MMP16: variants seen among roughly 807,000 people sequenced by gnomAD.
The protein encoded by MMP16 is matrix metalloproteinase-16.
Under a neutral mutation model 67.8 loss-of-function variants are expected in MMP16, and 12 were observed. The observed-to-expected ratio is 0.18, with a 90% CI of 0.11 to 0.29. MMP16 has a LOEUF of 0.29. MMP16 is among the 10% of genes least tolerant of loss of function. MMP16 has a pLI of 1.00. For missense variants in MMP16, 475 were observed against 765.7 expected, an observed-to-expected ratio of 0.62 and a Z score of 4.48; for synonymous variants, 249 against 255.9, an observed-to-expected ratio of 0.97 and a Z score of 0.26.
intron 1 of MMP16, among the ~76,000 whole-genome samples, chr8:88,233,384 C>G (rs16880086): frequency 0.5 from 75,882 of 151,892 alleles, 20,927 homozygotes; most frequent in Non-Finnish European, 0.63. Flanking sequence ...AACCAGATAC[C>G]TTGCCCTTCT....
chr8:88,129,416 A>G (rs1471756842), intron 4 of MMP16, among the ~76,000 whole-genome samples: 2 of 151,682 alleles, frequency 1.3e-5, no homozygotes, highest in African/African-American at 4.8e-5. Context: ...CAGAGATTAA[A>G]AACTTATAAA....
chr8:88,323,080 A>G (rs1186163011), intron 1 of MMP16, among the ~76,000 whole-genome samples: 1 of 152,166 alleles, frequency 6.6e-6, no homozygotes, highest in African/African-American at 2.4e-5. Flanking sequence ...AAACTGCTAC[A>G]GTGGAGAATT....
Position 88,039,608 on chromosome 8 carries a change from T to C in MMP16, c.*1853A>G, listed in dbSNP as rs1389118082. The stretch of plus-strand genomic sequence containing the variant: ...TTGTTAATGACAGTCAATAGATCAA[T>C]AATCAAGTTCAAGGCAAGCTGTTCA... On this transcript the variant is annotated 3_prime_UTR_variant, in exon 10 of 10. Coordinates refer to ENST00000286614, the MANE Select transcript of MMP16 (RefSeq NM_005941.5). The surrounding 1 kb of genome is among the most constrained non-coding windows in gnomAD (Gnocchi z 4.5). 6.6e-6 allele frequency: 1 copy of C among 152,638 alleles called. No individual in the cohort carries two copies. Among genetic ancestry groups the C allele is most frequent in the Non-Finnish European group, 1.5e-5 (1 of 68,038 alleles). 9.5% of individuals were successfully genotyped at this position (152,638 alleles called of 1,614,324 possible).
At chr8:88,134,686 G>A (rs968468209) in intron 4 of MMP16, among the ~76,000 whole-genome samples, 3 of 151,308 alleles carry the variant, frequency 2.0e-5, no homozygotes, top group Admixed American at 1.3e-4. Flanking sequence ...TAGAGACAAT[G>A]TTGCTGTTTC....
intron 8 of MMP16, among the ~76,000 whole-genome samples, chr8:88,050,791 T>C (rs1467100954): frequency 2.6e-5 from 4 of 152,210 alleles, no homozygotes; most frequent in Non-Finnish European, 4.4e-5. Flanking sequence ...TGTTTGGGTA[T>C]AGCTTTCCTT....
intron 4 of MMP16, among the ~76,000 whole-genome samples, chr8:88,161,574 T>C (rs1479994619): frequency 1.3e-5 from 2 of 152,176 alleles, no homozygotes. Flanking sequence ...TGATCTTAGT[T>C]ATTTCTTGCC....
intron 1 of MMP16, among the ~76,000 whole-genome samples, chr8:88,219,592 G>GGT (rs980080141): frequency 2.6e-5 from 4 of 152,082 alleles, no homozygotes; most frequent in African/African-American, 7.2e-5. Context: ...ATTTAAAACA[G>GGT]AGACACCCTC....
At chr8:88,135,056 T>C (rs1231798699) in intron 4 of MMP16, among the ~76,000 whole-genome samples, 1 of 151,788 alleles carries the variant, frequency 6.6e-6, no homozygotes, top group Non-Finnish European at 1.5e-5. Flanking sequence ...AATTTTTATA[T>C]GATTCTCTTC....
intron 4 of MMP16, among the ~76,000 whole-genome samples, chr8:88,126,704 C>A (rs1274653242): frequency 6.6e-6 from 1 of 151,644 alleles, no homozygotes; most frequent in Non-Finnish European, 1.5e-5. Context: ...ACATATATAT[C>A]AAAAATAAAA....
At chr8:88,252,132 T>TTA (rs1810235068) in intron 1 of MMP16, among the ~76,000 whole-genome samples, 2 of 144,522 alleles carry the variant, frequency 1.4e-5, no homozygotes, top group Non-Finnish European at 3.0e-5. Flanking sequence ...GACCCAGCCA[T>TTA]CCCATTACTG....
intron 4 of MMP16, among the ~76,000 whole-genome samples, chr8:88,119,387 T>C (rs987256531): frequency 6.6e-6 from 1 of 152,032 alleles, no homozygotes; most frequent in Non-Finnish European, 1.5e-5. Context: ...GCTTTATTTT[T>C]TTGCTAGCAT....
intron 6 of MMP16, among the ~76,000 whole-genome samples, chr8:88,096,896 T>A (rs947515260): frequency 6.6e-6 from 1 of 151,994 alleles, no homozygotes; most frequent in African/African-American, 2.4e-5. Context: ...ACACTGTAAG[T>A]GATCATATTT....
At chr8:88,208,753 G>T (rs1319151900) in intron 1 of MMP16, among the ~76,000 whole-genome samples, 2 of 146,850 alleles carry the variant, frequency 1.4e-5, no homozygotes, top group African/African-American at 5.0e-5. Context: ...CACATGTTGT[G>T]CATGACTTCA....
chr8:88,218,200 A>T (rs941374972), intron 1 of MMP16, among the ~76,000 whole-genome samples: 1 of 151,960 alleles, frequency 6.6e-6, no homozygotes, highest in South Asian at 2.1e-4. Flanking sequence ...GAAACACAAT[A>T]TGTTCATTTC....
At chr8:88,230,535 C>T (rs1563568655) in intron 1 of MMP16, among the ~76,000 whole-genome samples, 10 of 142,542 alleles carry the variant, frequency 7.0e-5, no homozygotes, top group East Asian at 2.1e-4. Context: ...GATCAATTTT[C>T]TTTTTTTTTT....
chr8:88,056,292 G>A lies in MMP16; in HGVS notation c.1223-14C>T. Reference sequence around the variant, plus strand: ...AATATTTGTTACCTGTATGGAATAAGTGTAAATGTAGAATATATTAATTTA... The same window carrying A: ...AATATTTGTTACCTGTATGGAATAAATGTAAATGTAGAATATATTAATTTA... On this transcript the variant is annotated splice_polypyrimidine_tract_variant and intron_variant, in intron 7 of 9. Transcript: ENST00000286614. 4.2e-6 allele frequency: 6 copies of A among 1,437,746 alleles called. No homozygotes were observed. The highest frequency in any genetic ancestry group is 5.6e-6 in the Non-Finnish European group (6 of 1,069,520). 89.1% of individuals were successfully genotyped at this position (1,437,746 alleles called of 1,614,324 possible).
intron 2 of MMP16, among the ~76,000 whole-genome samples, chr8:88,195,121 T>C (rs1809229751): frequency 1.3e-5 from 2 of 152,060 alleles, no homozygotes; most frequent in Admixed American, 6.6e-5. Context: ...CCCCTTTCCA[T>C]ATGAAGGGCC....
chr8:88,071,784 G>A (rs980004973), intron 7 of MMP16, among the ~76,000 whole-genome samples: 1 of 152,024 alleles, frequency 6.6e-6, no homozygotes, highest in African/African-American at 2.4e-5. Flanking sequence ...GCTTCTGTAT[G>A]GCCCATGATC....
chr8:88,264,603 C>T (rs539297506), intron 1 of MMP16, among the ~76,000 whole-genome samples: 3 of 152,274 alleles, frequency 2.0e-5, no homozygotes, highest in African/African-American at 7.2e-5. Context: ...GAAGCAAGTA[C>T]CTCCTAAGTG....
Sources: gnomAD v4.1 joint callset for allele counts (sites outside exome capture counted in the v4.1 genomes callset) on GRCh38, gnomAD v4.1.1 for gene constraint, Gnocchi (gnomAD v3.1) non-coding constraint, MANE v1.5 for transcripts, NCBI Gene and HGNC (gene_info 2026-07-23, HGNC 2026-07-21) for gene names.